PCDHGA4: variants seen among roughly 807,000 people sequenced by gnomAD.
PCDHGA4 encodes protocadherin gamma subfamily A, 4.
PCDHGA4 carries 38 observed loss-of-function variants against 54.6 expected under a neutral mutation model. That is an observed-to-expected ratio of 0.70 (90% CI 0.54 to 0.91). PCDHGA4 has a LOEUF of 0.91. Ranked by LOEUF, PCDHGA4 falls within the 40% of genes least tolerant of loss-of-function variation. The probability of loss-of-function intolerance (pLI) is 0.00; values close to 1 mark genes in which losing one functional copy is unlikely to be tolerated. For missense variants in PCDHGA4, 1,298 were observed against 1,220.9 expected (o/e 1.06, Z -0.94); for synonymous variants, 511 against 512.9 (o/e 1.00, Z 0.05).
intron 1 of PCDHGA4, chr5:141,413,532 A>C (rs1269070438): frequency 9.9e-6 from 16 of 1,613,788 alleles, no homozygotes; most frequent in Non-Finnish European, 1.2e-5. Context: ...ACAGGGTGAA[A>C]CTTTTTGGGA....
intron 1 of PCDHGA4, among the ~76,000 whole-genome samples, chr5:141,464,794 A>C (rs2154568597): frequency 6.6e-6 from 1 of 152,128 alleles, no homozygotes; most frequent in East Asian, 1.9e-4. Flanking sequence ...GCCAAATTGC[A>C]GTGATGCAGT....
chr5:141,504,200 G>C (rs1232187138), intron 2 of PCDHGA4, among the ~76,000 whole-genome samples: 1 of 152,154 alleles, frequency 6.6e-6, no homozygotes, highest in Non-Finnish European at 1.5e-5. Context: ...TTGTCACTGT[G>C]GGAAAATTCC....
intron 1 of PCDHGA4, chr5:141,371,939 C>T (rs1561553418): frequency 6.2e-7 from 1 of 1,613,300 alleles, no homozygotes; most frequent in South Asian, 1.1e-5. Context: ...GGGTGGTGTT[C>T]GCGCAGCGAG....
Position 141,490,909 on chromosome 5 carries a change from G to T in PCDHGA4, c.2515-3898G>T. 4 of 1,613,744 alleles carry T rather than the reference G, an allele frequency of 2.5e-6. No individual in the cohort carries two copies. Among genetic ancestry groups the T allele is most frequent in the Non-Finnish European group, 3.4e-6 (4 of 1,179,762 alleles). ...ATCTCTGCATGTGTTTGTCCTAGAC[G>T]AGAATGATAATGCCCCAGCTGTGCT... On this transcript the variant is annotated intron_variant, in intron 1 of 3. Transcript: ENST00000571252. The surrounding 1 kb of genome is among the most constrained non-coding windows in gnomAD (Gnocchi z 5.4).
Position 141,419,737 on chromosome 5 carries a change from G to A in PCDHGA4, c.2514+62116G>A, listed in dbSNP as rs201663350. 29 of 1,613,836 alleles carry A rather than the reference G, an allele frequency of 1.8e-5. No individual in the cohort carries two copies. In the African/African-American group the frequency reaches 3.6e-4, roughly 20 times the overall value. ...GCCTGGGGCTGCGAACAGGCGAGGTGCGCATGGTGCGTGCTTTGGGTGACA... is the reference window on the plus strand; with the variant it reads ...GCCTGGGGCTGCGAACAGGCGAGGTACGCATGGTGCGTGCTTTGGGTGACA... On this transcript the variant is annotated intron_variant, in intron 1 of 3. Transcript: ENST00000571252.
intron 1 of PCDHGA4, among the ~76,000 whole-genome samples, chr5:141,439,270 A>G (rs1381185021): frequency 6.6e-6 from 1 of 152,140 alleles, no homozygotes; most frequent in African/African-American, 2.4e-5. Flanking sequence ...CCAACAGTTC[A>G]TTCTGAGACT....
intron 1 of PCDHGA4, chr5:141,403,951 G>C: frequency 6.2e-7 from 1 of 1,613,882 alleles, no homozygotes. Flanking sequence ...GGACAAAAGT[G>C]CTCATTTCGG....
chr5:141,431,921 G>C lies in PCDHGA4; in HGVS notation c.2515-62886G>C, dbSNP rs775520324. ...CGGACAGGTGATCTGTTTCATCCAA[G>C]GAAATCTGCCCTTTAAATTAGAAAA... On this transcript the variant is annotated intron_variant, in intron 1 of 3. Transcript: ENST00000571252. This position sits in a 1 kb window ranked among gnomAD's most constrained non-coding sequence, Gnocchi z 4.8. 8.7e-6 allele frequency: 14 copies of C among 1,614,024 alleles called. No individual in the cohort carries two copies. Among genetic ancestry groups the C allele is most frequent in the Non-Finnish European group, 1.2e-5 (14 of 1,179,998 alleles).
At chr5:141,433,320 T>A in intron 1 of PCDHGA4, 1 of 792,046 alleles carries the variant, frequency 1.3e-6, no homozygotes, top group Non-Finnish European at 2.0e-6. Flanking sequence ...TTGCCTCCGG[T>A]GTAACAGGGA....
At chr5:141,404,167 G>A (rs2094493296) in intron 1 of PCDHGA4, 1 of 1,612,946 alleles carries the variant, frequency 6.2e-7, no homozygotes, top group South Asian at 1.1e-5. Flanking sequence ...ACAGATTGTT[G>A]ACGGCCCAAA....
In PCDHGA4 at chr5:141,495,260, G is replaced by A. The variant is rs368797742; in HGVS notation, c.2573+395G>A. On this transcript the variant is annotated intron_variant, in intron 2 of 3. Transcript: ENST00000571252. ...TATGACCTGGGGCTCAGGCAGAAAA[G>A]CATTTGACCGGAGGAGGCGGTCCGC... Among the ~76,000 whole-genome samples the A allele has an allele frequency of 3.3e-5, 5 of 152,208 alleles. No individual in the cohort carries two copies. The East Asian group carries it at 5.8e-4, about 18-fold the overall frequency.
At chr5:141,412,814 C>CAT (rs1339609844) in intron 1 of PCDHGA4, among the ~76,000 whole-genome samples, 1 of 152,180 alleles carries the variant, frequency 6.6e-6, no homozygotes, top group Non-Finnish European at 1.5e-5. Context: ...AAGAAACCTA[C>CAT]ATATAGTAAA....
At chr5:141,404,565 G>C in intron 1 of PCDHGA4, 2 of 1,613,910 alleles carry the variant, frequency 1.2e-6, no homozygotes. Flanking sequence ...AGTGACAGTG[G>C]AAGCCCACCA....
At chr5:141,364,958 C>G in intron 1 of PCDHGA4, 1 of 1,613,958 alleles carries the variant, frequency 6.2e-7, no homozygotes, top group Non-Finnish European at 8.5e-7. Flanking sequence ...TGTTCACGAC[C>G]TCCTCCTCAC....
intron 1 of PCDHGA4, chr5:141,378,405 C>T (rs1250518150): frequency 2.0e-5 from 3 of 152,298 alleles, no homozygotes; most frequent in Non-Finnish European, 4.4e-5. Context: ...GGCCTGTAAT[C>T]GCAGCTACTC....
chr5:141,394,132 T>C, intron 1 of PCDHGA4: 1 of 1,613,980 alleles, frequency 6.2e-7, no homozygotes, highest in Non-Finnish European at 8.5e-7. Flanking sequence ...CAAATCGCTC[T>C]GCACGTGGCA....
Position 141,376,478 on chromosome 5 carries a change from G to A in PCDHGA4, c.2514+18857G>A, listed in dbSNP as rs761214015. On this transcript the variant is annotated intron_variant, in intron 1 of 3. Coordinates refer to ENST00000571252, the MANE Select transcript of PCDHGA4 (RefSeq NM_018917.4). ...TCTTCTGATAACTCAGGATTTACTT[G>A]AAACGAAAGGAGAACCCAGGCAACT... The A allele has an allele frequency of 1.9e-6, 3 of 1,614,176 alleles. No individual in the cohort carries two copies. The South Asian group carries it at 3.3e-5, about 18-fold the overall frequency.
intron 2 of PCDHGA4, among the ~76,000 whole-genome samples, chr5:141,500,774 A>G (rs1479931234): frequency 6.6e-6 from 1 of 152,188 alleles, no homozygotes; most frequent in Non-Finnish European, 1.5e-5. Context: ...TCTTATGAAT[A>G]TACATATTAT....
At chr5:141,446,595 GCCTCC>G (rs2098508132) in intron 1 of PCDHGA4, among the ~76,000 whole-genome samples, 2 of 152,012 alleles carry the variant, frequency 1.3e-5, no homozygotes, top group South Asian at 4.1e-4. Context: ...TTCTGCCTCA[GCCTCC>G]TGAGTAGCTG....
Sources: allele counts gnomAD v4.1 joint callset (sites outside exome capture counted in the v4.1 genomes callset), GRCh38; gene constraint gnomAD v4.1.1; non-coding constraint Gnocchi (gnomAD v3.1); transcripts MANE v1.5; gene names NCBI Gene and HGNC (gene_info 2026-07-23, HGNC 2026-07-21).